The following WWOX variants were observed in gnomAD, a reference collection of about 807,000 sequenced individuals.
WWOX encodes the protein WW domain containing oxidoreductase.
WWOX carries 69 observed loss-of-function variants against 46.2 expected under a neutral mutation model. That is an observed-to-expected ratio of 1.49 (90% CI 1.23 to 1.82). WWOX has a LOEUF of 1.82. WWOX is among the 40% of genes most tolerant of loss of function. The pLI, the probability that WWOX is intolerant of heterozygous loss-of-function variation, is 0.00. For synonymous variants in WWOX, 359 were observed against 202.6 expected (o/e 1.77, Z -6.56); for missense variants, 919 against 542.6 (o/e 1.69, Z -6.89).
chr16:78,763,117 G>A (rs1397546639), intron 8 of WWOX, among the ~76,000 whole-genome samples: 3 of 152,198 alleles, frequency 2.0e-5, no homozygotes, highest in Admixed American at 1.3e-4. Context: ...ACTATTGTAG[G>A]CTGTGGAGAT....
chr16:79,138,332 A>C lies in WWOX; in HGVS notation c.1057-73276A>C, dbSNP rs531978887. 7.9e-5 allele frequency among the ~76,000 whole-genome samples: 12 copies of C among 152,272 alleles called. No individual in the cohort carries two copies. The East Asian group carries it at 1.7e-3, about 22-fold the overall frequency. On this transcript the variant is annotated intron_variant, in intron 8 of 8. Transcript: ENST00000566780. ...AGAGGATGGCGGTGGTCCACTTCTC[A>C]ACTTGGGAGTCCCTTAGTGACTCAT...
intron 8 of WWOX, among the ~76,000 whole-genome samples, chr16:79,193,412 G>A (rs891036980): frequency 6.6e-6 from 1 of 152,146 alleles, no homozygotes; most frequent in African/African-American, 2.4e-5. Context: ...ATGCCTCACT[G>A]AAACTTGAAT....
At chr16:79,121,383 C>G (rs1180365224) in intron 8 of WWOX, among the ~76,000 whole-genome samples, 2 of 152,146 alleles carry the variant, frequency 1.3e-5, no homozygotes, top group Non-Finnish European at 2.9e-5. Context: ...GTGTTTACAA[C>G]AGAATATATA....
chr16:78,139,257 A>T (rs4888748), intron 4 of WWOX, among the ~76,000 whole-genome samples: 5,716 of 152,100 alleles, frequency 0.038, 374 homozygotes, highest in African/African-American at 0.13. Flanking sequence ...CCAATGGACA[A>T]AATCTGCAAG....
At chr16:79,149,903 A>G (rs980233608) in intron 8 of WWOX, among the ~76,000 whole-genome samples, 11 of 152,276 alleles carry the variant, frequency 7.2e-5, no homozygotes, top group South Asian at 4.1e-4. Context: ...AGATCCTTCT[A>G]TCCATCAACC....
chr16:78,869,734 T>G (rs1312606292), intron 8 of WWOX, among the ~76,000 whole-genome samples: 4 of 152,178 alleles, frequency 2.6e-5, no homozygotes, highest in African/African-American at 9.7e-5. Flanking sequence ...AGTTGTAGAT[T>G]TCTAGTTTCT....
intron 4 of WWOX, among the ~76,000 whole-genome samples, chr16:78,157,749 T>C (rs1215190995): frequency 1.3e-5 from 2 of 152,232 alleles, no homozygotes; most frequent in Non-Finnish European, 2.9e-5. Context: ...GTTGATTTCT[T>C]TGAATTCTGG....
At chr16:79,039,202 G>A (rs949575749) in intron 8 of WWOX, among the ~76,000 whole-genome samples, 3 of 152,112 alleles carry the variant, frequency 2.0e-5, no homozygotes, top group African/African-American at 4.8e-5. Context: ...AGGACTTTGC[G>A]TTGCAGTTTT....
intron 8 of WWOX, among the ~76,000 whole-genome samples, chr16:78,926,093 A>G (rs1465478116): frequency 1.3e-5 from 2 of 152,188 alleles, no homozygotes; most frequent in Non-Finnish European, 2.9e-5. Context: ...TTTACAGCCA[A>G]TTGTAGAACC....
At chr16:78,647,986 C>T (rs561033838) in intron 8 of WWOX, among the ~76,000 whole-genome samples, 27 of 152,280 alleles carry the variant, frequency 1.8e-4, no homozygotes, top group Admixed American at 4.6e-4. Flanking sequence ...CATTTGCTTT[C>T]GCTTAGTATT....
rs572217398 is a variant in WWOX at position 78,796,487 on chromosome 16, A to G, written c.1056+363735A>G. Among the ~76,000 whole-genome samples the G allele has an allele frequency of 3.3e-5, 5 of 152,384 alleles. No individual in the cohort carries two copies. The East Asian group carries it at 9.6e-4, about 29-fold the overall frequency. ...AACTGCAAGGGATTCTGGGAAATGT[A>G]GTCTGGTGATGCCTCGAGGAGGCAA... On this transcript the variant is annotated intron_variant, in intron 8 of 8. Coordinates refer to ENST00000566780, the MANE Select transcript of WWOX (RefSeq NM_016373.4).
intron 5 of WWOX, among the ~76,000 whole-genome samples, chr16:78,331,955 G>T (rs556812938): frequency 2.0e-5 from 3 of 152,154 alleles, no homozygotes; most frequent in African/African-American, 4.8e-5. Flanking sequence ...TTTGAACCAG[G>T]CTAGCTGACT....
At chr16:78,446,508 G>C (rs972120485) in intron 8 of WWOX, among the ~76,000 whole-genome samples, 1 of 152,060 alleles carries the variant, frequency 6.6e-6, no homozygotes, top group Non-Finnish European at 1.5e-5. Context: ...GTAAATGCCA[G>C]CAAGTGTTAG....
chr16:78,641,554 C>G (rs893731268), intron 8 of WWOX, among the ~76,000 whole-genome samples: 1 of 152,144 alleles, frequency 6.6e-6, no homozygotes, highest in Non-Finnish European at 1.5e-5. Flanking sequence ...TCAGCTCATT[C>G]ATTCTGCTGG....
intron 8 of WWOX, among the ~76,000 whole-genome samples, chr16:79,194,555 C>T (rs543381804): frequency 1.1e-4 from 16 of 151,732 alleles, no homozygotes; most frequent in African/African-American, 3.2e-4. Flanking sequence ...TCGGCTCCGA[C>T]GTTACAGGCA....
intron 4 of WWOX, among the ~76,000 whole-genome samples, chr16:78,127,380 C>T (rs960068879): frequency 6.6e-6 from 1 of 151,968 alleles, no homozygotes; most frequent in Non-Finnish European, 1.5e-5. Context: ...CTGCCATAAT[C>T]TCTGTGAATT....
intron 8 of WWOX, among the ~76,000 whole-genome samples, chr16:78,822,871 T>A (rs771441783): frequency 7.5e-5 from 11 of 147,580 alleles, no homozygotes; most frequent in Non-Finnish European, 1.3e-4. Context: ...GAGGAAGAGC[T>A]AAAAAAGATT....
At chr16:78,931,721 G>A (rs1353467914) in intron 8 of WWOX, among the ~76,000 whole-genome samples, 1 of 152,196 alleles carries the variant, frequency 6.6e-6, no homozygotes, top group Non-Finnish European at 1.5e-5. Flanking sequence ...TGTTCACAGA[G>A]GACAAGACAC....
intron 5 of WWOX, among the ~76,000 whole-genome samples, chr16:78,178,573 AATAG>A (rs1487790761): frequency 6.6e-6 from 1 of 152,218 alleles, no homozygotes; most frequent in African/African-American, 2.4e-5. Flanking sequence ...GACATTTAAA[AATAG>A]ATAGCAGGCC....
Sources: allele counts gnomAD v4.1 joint callset (sites outside exome capture counted in the v4.1 genomes callset), GRCh38; gene constraint gnomAD v4.1.1; transcripts MANE v1.5; gene names NCBI Gene and HGNC (gene_info 2026-07-23, HGNC 2026-07-21).